PALM2AKAP2: variants seen among roughly 807,000 people sequenced by gnomAD.
PALM2AKAP2 encodes PALM2-AKAP2 fusion protein.
A neutral mutation model predicts 71.5 loss-of-function variants in PALM2AKAP2; 37 were observed. That is an observed-to-expected ratio of 0.52 (90% confidence interval 0.40 to 0.68). PALM2AKAP2 has a LOEUF of 0.68. Ranked by LOEUF, PALM2AKAP2 falls within the 30% of genes least tolerant of loss-of-function variation. The pLI, the probability that PALM2AKAP2 is intolerant of heterozygous loss-of-function variation, is 0.00. For synonymous variants in PALM2AKAP2, 468 were observed against 478.8 expected (o/e 0.98, Z 0.29); for missense variants, 1,224 against 1,191.8 (o/e 1.03, Z -0.40).
At chr9:109,951,853 AC>A (rs1196456987) in intron 6 of PALM2AKAP2, among the ~76,000 whole-genome samples, 2 of 151,276 alleles carry the variant, frequency 1.3e-5, no homozygotes, top group Non-Finnish European at 2.9e-5. Context: ...CCTCCCTCTA[AC>A]CCCCTTTGCA....
Position 109,928,051 on chromosome 9 carries a change from C to T in PALM2AKAP2, c.394+2969C>T, listed in dbSNP as rs1830996071. Among the ~76,000 whole-genome samples the T allele has an allele frequency of 2.0e-5, 3 of 152,094 alleles. No individual in the cohort carries two copies. The South Asian group carries it at 6.2e-4, about 32-fold the overall frequency. ...GTTTCCCACATCAAAACCTTCATAC[C>T]AGTTATTCGCAAACCTCAATCTTCA... is the stretch of plus-strand genomic sequence containing the variant. On this transcript the variant is annotated intron_variant, in intron 5 of 9. Transcript: ENST00000302798.
intron 1 of PALM2AKAP2, among the ~76,000 whole-genome samples, chr9:110,085,422 A>G (rs1834547211): frequency 6.6e-6 from 1 of 152,244 alleles, no homozygotes; most frequent in African/African-American, 2.4e-5. Flanking sequence ...AGACTGGAGC[A>G]GGAAGACCCA....
intron 6 of PALM2AKAP2, among the ~76,000 whole-genome samples, chr9:109,968,805 C>A (rs1415546402): frequency 6.6e-6 from 1 of 152,166 alleles, no homozygotes. Flanking sequence ...GCCACTAAGA[C>A]CCCTGGAAAG....
intron 6 of PALM2AKAP2, among the ~76,000 whole-genome samples, chr9:109,988,535 G>A (rs1371050234): frequency 2.7e-5 from 4 of 149,138 alleles, no homozygotes. Context: ...GAAGAAGGAA[G>A]GCAAGAAGGA....
At chr9:109,843,301 CAAAAAAAAAAAAA>C (rs35634219) in intron 1 of PALM2AKAP2, among the ~76,000 whole-genome samples, 1 of 66,960 alleles carries the variant, frequency 1.5e-5, no homozygotes, top group South Asian at 6.3e-4. Context: ...GCCCCTGTCT[CAAAAAAAAAAAAA>C]AAAAAAAAAA....
intron 1 of PALM2AKAP2, among the ~76,000 whole-genome samples, chr9:109,853,676 G>A (rs1011229262): frequency 7.9e-5 from 12 of 152,080 alleles, no homozygotes; most frequent in African/African-American, 2.2e-4. Flanking sequence ...TGTTCAAATC[G>A]CATATAAACT....
intron 2 of PALM2AKAP2, among the ~76,000 whole-genome samples, chr9:110,141,361 T>C: frequency 6.6e-6 from 1 of 152,218 alleles, no homozygotes; most frequent in Non-Finnish European, 1.5e-5. Context: ...CTTGATGTCG[T>C]ATTGAGTACA....
intron 3 of PALM2AKAP2, among the ~76,000 whole-genome samples, chr9:109,917,475 GC>G (rs1830719415): frequency 6.8e-6 from 1 of 147,802 alleles, no homozygotes; most frequent in Admixed American, 6.8e-5. Flanking sequence ...TTAAGCCAAC[GC>G]TCCTTTCCTT....
chr9:109,752,656 G>A (rs1254365184), intron 1 of PALM2AKAP2, among the ~76,000 whole-genome samples: 2 of 152,128 alleles, frequency 1.3e-5, no homozygotes, highest in Non-Finnish European at 2.9e-5. Flanking sequence ...ATCATATTAT[G>A]AAGGACCTTG....
intron 1 of PALM2AKAP2, among the ~76,000 whole-genome samples, chr9:109,767,357 T>C (rs1344397702): frequency 6.6e-6 from 1 of 152,178 alleles, no homozygotes; most frequent in African/African-American, 2.4e-5. Flanking sequence ...GGAGTCCCTT[T>C]TGCCATTGGA....
intron 1 of PALM2AKAP2, among the ~76,000 whole-genome samples, chr9:109,648,861 A>T (rs75036477): frequency 0.02 from 3,015 of 152,334 alleles, 99 homozygotes; most frequent in African/African-American, 0.064. Flanking sequence ...TAAATTCTAA[A>T]TGCCTGTTGG....
chr9:110,136,510 C>T (rs986845059), exon 2 of PALM2AKAP2: 1 of 1,613,748 alleles, frequency 6.2e-7, no homozygotes, highest in Non-Finnish European at 8.5e-7. Context: ...GCGGCCTAAG[C>T]CCCCCTGTCC....
At chr9:110,032,732 AAATAAAT>A (rs1833306707) in intron 7 of PALM2AKAP2, among the ~76,000 whole-genome samples, 4 of 130,580 alleles carry the variant, frequency 3.1e-5, no homozygotes, top group Non-Finnish European at 4.9e-5. Context: ...ATAAATAAAT[AAATAAAT>A]AAAATAAAAA....
At chr9:109,911,216 G>T (rs1830561879) in intron 3 of PALM2AKAP2, among the ~76,000 whole-genome samples, 1 of 152,150 alleles carries the variant, frequency 6.6e-6, no homozygotes, top group Non-Finnish European at 1.5e-5. Context: ...AAGCTATTGA[G>T]AAAAGTACTG....
At chr9:110,080,918 G>A (rs149583555) in intron 1 of PALM2AKAP2, among the ~76,000 whole-genome samples, 2,027 of 152,264 alleles carry the variant, frequency 0.013, 38 homozygotes, top group African/African-American at 0.047. Flanking sequence ...AACCTCAGGT[G>A]ATCCACCCGC....
chr9:109,807,025 G>C (rs1279685462), intron 1 of PALM2AKAP2, among the ~76,000 whole-genome samples: 10 of 152,176 alleles, frequency 6.6e-5, no homozygotes, highest in Admixed American at 6.5e-4. Context: ...TGGTAATTCA[G>C]AGGGAAAAGA....
At chr9:110,146,295 A>G (rs970369494) in intron 2 of PALM2AKAP2, among the ~76,000 whole-genome samples, 1 of 152,086 alleles carries the variant, frequency 6.6e-6, no homozygotes, top group Non-Finnish European at 1.5e-5. Flanking sequence ...ACTTTGGAAA[A>G]AGCAGAACGT....
At chr9:109,942,598 A>T (rs1831399054) in intron 6 of PALM2AKAP2, 2 of 1,457,638 alleles carry the variant, frequency 1.4e-6, no homozygotes, top group Non-Finnish European at 1.8e-6. Flanking sequence ...AAGGGCACAA[A>T]ACCTTTTTTT....
intron 1 of PALM2AKAP2, among the ~76,000 whole-genome samples, chr9:109,652,507 G>T (rs2132233796): frequency 6.6e-6 from 1 of 152,314 alleles, no homozygotes; most frequent in African/African-American, 2.4e-5. Context: ...AGAACTGTGA[G>T]CCAAATAAAT....
Sources: allele counts gnomAD v4.1 joint callset (sites outside exome capture counted in the v4.1 genomes callset), GRCh38; gene constraint gnomAD v4.1.1; transcripts MANE v1.5; gene names NCBI Gene and HGNC (gene_info 2026-07-23, HGNC 2026-07-21).